Variants in DCBLD2 observed in about 807,000 individuals in gnomAD.
The protein encoded by DCBLD2 is discoidin, CUB and LCCL domain containing 2.
Under a neutral mutation model 86.8 loss-of-function variants are expected in DCBLD2, and 54 were observed. The ratio of observed to expected loss-of-function variants is 0.62; its 90% CI spans 0.50 to 0.78. The LOEUF (loss-of-function observed/expected upper bound fraction) is 0.78. Among genes scored for constraint, DCBLD2 ranks in the 30% least tolerant of loss-of-function variants. DCBLD2 has a pLI of 0.00. For missense variants in DCBLD2, 908 were observed against 954.2 expected, an observed-to-expected ratio of 0.95 and a Z score of 0.64; for synonymous variants, 354 against 341.3, an observed-to-expected ratio of 1.04 and a Z score of -0.41.
chr3:98,885,293 T>G (rs1943541764), intron 1 of DCBLD2, among the ~76,000 whole-genome samples: 2 of 152,244 alleles, frequency 1.3e-5, no homozygotes, highest in South Asian at 4.1e-4. Flanking sequence ...TTGAATGCTT[T>G]GTATCTCAAA....
chr3:98,900,977 C>G, intron 1 of DCBLD2, 145 bp downstream of exon 1: 2 of 1,406,582 alleles, frequency 1.4e-6, no homozygotes, highest in Non-Finnish European at 1.9e-6. Context: ...CTTTGCAACT[C>G]AACCCCGTGA....
chr3:98,889,441 A>G lies in DCBLD2; in HGVS notation c.206-7674T>C, dbSNP rs76429081. Among the ~76,000 whole-genome samples the G allele has an allele frequency of 9.0e-3, 1,362 of 152,116 alleles. 18 individuals are homozygous for G. The highest frequency in any genetic ancestry group is 0.032 in the African/African-American group (1,310 of 41,532). ...GACCTGAAACTTGGAAATAGGGTAA[A>G]AAAAAAGTGTGCAGCACATCCTTTA... On this transcript the variant is annotated intron_variant, in intron 1 of 15. Transcript: ENST00000326840.
At position 98,825,343 on chromosome 3, in the gene DCBLD2, C is replaced by G; in HGVS notation, c.595G>C (p.Ala199Pro). Reference protein sequence around the residue: ...KQDLITCLDTASNFLEPEFSK... With the variant: ...KQDLITCLDTPSNFLEPEFSK... ...AACTCAGGTTCCAAAAAATTGGATGCAGTGTCCAAACAAGTAATTAGATCT... is the reference window on the plus strand; with the variant it reads ...AACTCAGGTTCCAAAAAATTGGATGGAGTGTCCAAACAAGTAATTAGATCT... Residue 199 changes from alanine (A) to proline (P), a missense_variant, in exon 4 of 16, where the codon GCA becomes CCA. Transcript: ENST00000326840. The G allele has an allele frequency of 6.5e-7, 1 of 1,547,874 alleles. No homozygotes were observed. Among genetic ancestry groups the G allele is most frequent in the East Asian group, 2.4e-5 (1 of 41,724 alleles).
chr3:98,898,986 G>A (rs1302436055), intron 1 of DCBLD2, among the ~76,000 whole-genome samples: 3 of 151,636 alleles, frequency 2.0e-5, no homozygotes, highest in Non-Finnish European at 4.4e-5. Flanking sequence ...TATGAGATAG[G>A]TATGCATGCT....
In DCBLD2 at chr3:98,832,094, T is replaced by G. The variant is rs535014572; in HGVS notation, c.572-6728A>C. Among the ~76,000 whole-genome samples the G allele has an allele frequency of 1.7e-4, 26 of 152,322 alleles. 1 individual carries two copies. In the East Asian group the frequency reaches 3.9e-3, roughly 23 times the overall value. On this transcript the variant is annotated intron_variant, in intron 3 of 15. Transcript: ENST00000326840. ...GAGCCTAAGTCTCTTTTTAGGTTTC[T>G]AAGAACTTGCTTTATGAATCTGGGT...
In DCBLD2 at chr3:98,848,621, A is replaced by C. The variant is rs1942770007; in HGVS notation, c.571+840T>G. Reference sequence around the variant, plus strand: ...ACGGTTTCTTTTTCTCCACAACCTCACCAGCATCTGAATAACCTTGTTTTT... The same window carrying C: ...ACGGTTTCTTTTTCTCCACAACCTCCCCAGCATCTGAATAACCTTGTTTTT... On this transcript the variant is annotated intron_variant, in intron 3 of 15. Coordinates refer to ENST00000326840, the MANE Select transcript of DCBLD2 (RefSeq NM_080927.4). Among the ~76,000 whole-genome samples the C allele has an allele frequency of 2.0e-5, 3 of 152,106 alleles. 1 individual carries two copies. In the South Asian group the frequency reaches 6.2e-4, roughly 32 times the overall value.
At chr3:98,813,481 G>A (rs1394718369) in intron 9 of DCBLD2, 1 of 152,148 alleles carries the variant, frequency 6.6e-6, no homozygotes, top group Admixed American at 6.5e-5. Context: ...GGATCCACCT[G>A]CCTCAGCCTC....
intron 3 of DCBLD2, among the ~76,000 whole-genome samples, chr3:98,837,458 G>A (rs1576172387): frequency 3.2e-5 from 1 of 30,916 alleles, no homozygotes; most frequent in African/African-American, 1.2e-4. Flanking sequence ...GCGGCTGGCC[G>A]GGCGGGGGGC....
chr3:98,839,240 ATTCT>A lies in DCBLD2; in HGVS notation c.571+10217_571+10220del, dbSNP rs1348332541. On this transcript the variant is annotated intron_variant, in intron 3 of 15. Transcript: ENST00000326840. Reference sequence around the variant, plus strand: ...CCTTCTTTCCTTCTCTCTCTCTCTCATTCTTTCTTTCTTCCTCTTTCTTTCTCAG... The same window carrying A: ...CCTTCTTTCCTTCTCTCTCTCTCTCATTCTTTCTTCCTCTTTCTTTCTCAG... 1.2e-3 allele frequency among the ~76,000 whole-genome samples: 101 copies of A among 87,364 alleles called. 1 individual carries two copies. The highest frequency in any genetic ancestry group is 0.018 in the Middle Eastern group (2 of 110). 57.3% of individuals were successfully genotyped at this position (87,364 alleles called of 152,430 possible). A position where few individuals can be genotyped will look rare whatever the true frequency, so the allele number is the denominator to read the frequency against.
At chr3:98,871,041 T>C (rs1000089143) in intron 2 of DCBLD2, among the ~76,000 whole-genome samples, 9 of 152,122 alleles carry the variant, frequency 5.9e-5, no homozygotes, top group African/African-American at 1.9e-4. Context: ...TTTTTCCTTT[T>C]TTTGCAACAA....
At chr3:98,857,497 C>T (rs1016872063) in intron 2 of DCBLD2, among the ~76,000 whole-genome samples, 6 of 152,110 alleles carry the variant, frequency 3.9e-5, no homozygotes, top group African/African-American at 1.2e-4. Flanking sequence ...CTTATTGGTC[C>T]GTTATGACAG....
At position 98,800,664 on chromosome 3, in the gene DCBLD2, C is replaced by T; in HGVS notation, c.1773G>A (p.Glu591=). The T allele has an allele frequency of 6.2e-7, 1 of 1,613,942 alleles. No homozygotes were observed. The part of the protein sequence containing the change: ...QFLPAKAVDH[E]ETPVRYSSSE... ...TGCTGCTATAGCGAACTGGGGTTTC[C>T]TCATGGTCCACTGCTTTTGCAGGAA... Residue 591 remains glutamate (E), a synonymous_variant, in exon 15 of 16, where the codon GAG becomes GAA. Coordinates refer to ENST00000326840, the MANE Select transcript of DCBLD2 (RefSeq NM_080927.4).
Position 98,838,928 on chromosome 3 carries a change from C to G in DCBLD2, c.571+10533G>C, listed in dbSNP as rs577037524. On this transcript the variant is annotated intron_variant, in intron 3 of 15. Transcript: ENST00000326840. The stretch of plus-strand genomic sequence containing the variant: ...GCGCGTGCCTGCAATCGCAGGCATT[C>G]GGCAGACTGAGGCAGGAGTATCAGG... Among the ~76,000 whole-genome samples the G allele has an allele frequency of 9.2e-4, 139 of 151,466 alleles. 2 individuals are homozygous for G. The highest frequency in any genetic ancestry group is 5.9e-3 in the East Asian group (30 of 5,104).
Position 98,901,284 on chromosome 3 carries a change from A to T in DCBLD2, c.43T>A (p.Cys15Ser). The T allele has an allele frequency of 6.6e-7, 1 of 1,526,332 alleles. No homozygotes were observed. The highest frequency in any genetic ancestry group is 8.8e-7 in the Non-Finnish European group (1 of 1,142,680). 94.5% of individuals were successfully genotyped at this position (1,526,332 alleles called of 1,614,324 possible). A position where few individuals can be genotyped will look rare whatever the true frequency, so the allele number is the denominator to read the frequency against. Reference sequence around the variant, plus strand: ...GCGGCCGCGGCCCGGACTTGGGGACACTGCGGGCAGCGCCTGGCTCTCACC... The same window carrying T: ...GCGGCCGCGGCCCGGACTTGGGGACTCTGCGGGCAGCGCCTGGCTCTCACC... ...AVVRARRCPQCPQVRAAAAAP... is the reference protein window; with the variant it reads ...AVVRARRCPQSPQVRAAAAAP... Residue 15 changes from cysteine to serine, a missense_variant, in exon 1 of 16, where the codon TGT (cysteine) becomes AGT (serine). By Grantham distance (112) the Cys-to-Ser change is moderately radical. Coordinates refer to ENST00000326840, the MANE Select transcript of DCBLD2 (RefSeq NM_080927.4).
intron 4 of DCBLD2, 36 bp downstream of exon 4, chr3:98,825,279 C>CA (rs11341324): frequency 0.12 from 147,166 of 1,248,476 alleles, 1,494 homozygotes; most frequent in African/African-American, 0.15. Context: ...AACATTTAAG[C>CA]AAAAAAAAAA....
At chr3:98,800,069 A>G (rs1356130065) in intron 15 of DCBLD2, among the ~76,000 whole-genome samples, 1 of 152,192 alleles carries the variant, frequency 6.6e-6, no homozygotes, top group Non-Finnish European at 1.5e-5. Context: ...TTGCATATAG[A>G]ATTTTCACAT....
chr3:98,809,260 G>A (rs566238741), intron 12 of DCBLD2, among the ~76,000 whole-genome samples: 1 of 152,294 alleles, frequency 6.6e-6, no homozygotes, highest in East Asian at 1.9e-4. Flanking sequence ...TTGCCATGAA[G>A]ATGATAATAG....
At position 98,797,474 on chromosome 3, in the gene DCBLD2, A is replaced by G. The variant is rs1263916636; in HGVS notation, c.*1898T>C. 6.6e-6 allele frequency: 1 copy of G among 152,600 alleles called. No homozygotes were observed. Among genetic ancestry groups the G allele is most frequent in the African/African-American group, 2.4e-5 (1 of 41,458 alleles). The allele number at this position is 152,600 out of a possible 1,614,324, so 9.5% of individuals were successfully genotyped here. ...TCTGTGTACTAAGGATGAATTAAAA[A>G]ATCAACTGGTTTGCTCTCTTCCCAC... On this transcript the variant is annotated 3_prime_UTR_variant, in exon 16 of 16. Coordinates refer to ENST00000326840, the MANE Select transcript of DCBLD2 (RefSeq NM_080927.4).
At chr3:98,873,927 A>G (rs1943321382) in intron 2 of DCBLD2, among the ~76,000 whole-genome samples, 1 of 152,208 alleles carries the variant, frequency 6.6e-6, no homozygotes, top group African/African-American at 2.4e-5. Context: ...AAACACTGAA[A>G]TAACCATGTT....
Sources: allele counts gnomAD v4.1 joint callset (sites outside exome capture counted in the v4.1 genomes callset), GRCh38; gene constraint gnomAD v4.1.1; transcripts MANE v1.5; gene names NCBI Gene and HGNC (gene_info 2026-07-23, HGNC 2026-07-21).